Variants in ZBTB7C observed in about 807,000 individuals in gnomAD.
ZBTB7C encodes the protein zinc finger and BTB domain-containing protein 7C.
ZBTB7C carries 8 observed loss-of-function variants against 25.7 expected under a neutral mutation model. The observed-to-expected ratio is 0.31, with a 90% CI of 0.18 to 0.56. The LOEUF (loss-of-function observed/expected upper bound fraction) is 0.56, where lower values mean the gene tolerates loss of function less well. Among genes scored for constraint, ZBTB7C ranks in the 20% least tolerant of loss-of-function variants. The probability of loss-of-function intolerance (pLI) is 0.91; values close to 1 mark genes in which losing one functional copy is unlikely to be tolerated. For synonymous variants in ZBTB7C, 394 were observed against 369.0 expected, an observed-to-expected ratio of 1.07 and a Z score of -0.78; for missense variants, 824 against 855.2, an observed-to-expected ratio of 0.96 and a Z score of 0.46.
At chr18:48,115,103 A>G (rs573913351) in intron 3 of ZBTB7C, among the ~76,000 whole-genome samples, 1 of 152,296 alleles carries the variant, frequency 6.6e-6, no homozygotes, top group South Asian at 2.1e-4. Context: ...GCCCCTGGTA[A>G]CCTCTAACCT....
chr18:48,376,689 C>A (rs970180602), intron 1 of ZBTB7C, among the ~76,000 whole-genome samples: 3 of 152,244 alleles, frequency 2.0e-5, no homozygotes, highest in African/African-American at 7.2e-5. Context: ...CAACCCCTTG[C>A]GGCTTTGCTT....
chr18:48,284,241 T>G (rs1362906076), intron 2 of ZBTB7C, among the ~76,000 whole-genome samples: 1 of 152,022 alleles, frequency 6.6e-6, no homozygotes, highest in Non-Finnish European at 1.5e-5. Context: ...GACTGCTGAG[T>G]TCGAGACCAG....
chr18:48,122,179 A>G (rs1050985057), intron 3 of ZBTB7C, among the ~76,000 whole-genome samples: 1 of 152,236 alleles, frequency 6.6e-6, no homozygotes, highest in Non-Finnish European at 1.5e-5. Context: ...ATGCCAGCAC[A>G]GCCCAGTGTA....
At chr18:48,049,714 C>T (rs923534943) in intron 3 of ZBTB7C, among the ~76,000 whole-genome samples, 1 of 152,196 alleles carries the variant, frequency 6.6e-6, no homozygotes, top group African/African-American at 2.4e-5. Context: ...AGTCACGCAG[C>T]TAGAAAACAG....
chr18:48,164,403 T>C lies in ZBTB7C; in HGVS notation c.-17+21531A>G, dbSNP rs1319807087. Among the ~76,000 whole-genome samples, 9 of 152,264 alleles carry C rather than the reference T, an allele frequency of 5.9e-5. No homozygotes were observed. In the East Asian group the frequency reaches 1.7e-3, roughly 29 times the overall value. On this transcript the variant is annotated intron_variant, in intron 3 of 4. Transcript: ENST00000590800. ...TTTGTTCATGCTCTTTTGGCAAACA[T>C]GCACATACACACACTCTCATGTTAA...
intron 3 of ZBTB7C, among the ~76,000 whole-genome samples, chr18:48,115,027 C>CT (rs2039381893): frequency 6.6e-6 from 1 of 152,162 alleles, no homozygotes; most frequent in African/African-American, 2.4e-5. Flanking sequence ...ATTCCCAAAA[C>CT]TTTTTTATCA....
At chr18:48,200,653 T>C (rs1008639234) in intron 2 of ZBTB7C, among the ~76,000 whole-genome samples, 6 of 152,200 alleles carry the variant, frequency 3.9e-5, no homozygotes, top group African/African-American at 1.4e-4. Context: ...GGTCCTTGTA[T>C]TGAGAGCTAC....
At chr18:48,097,484 C>T (rs2038681123) in intron 3 of ZBTB7C, among the ~76,000 whole-genome samples, 1 of 152,060 alleles carries the variant, frequency 6.6e-6, no homozygotes. Flanking sequence ...GCAACCTCTG[C>T]CTCCTGGGTT....
At chr18:48,384,296 C>G (rs1275144455) in intron 1 of ZBTB7C, among the ~76,000 whole-genome samples, 1 of 152,220 alleles carries the variant, frequency 6.6e-6, no homozygotes. Flanking sequence ...GCAAGCATAG[C>G]TTTAAGACAA....
intron 2 of ZBTB7C, among the ~76,000 whole-genome samples, chr18:48,190,310 G>A (rs919336012): frequency 6.6e-6 from 1 of 152,168 alleles, no homozygotes; most frequent in African/African-American, 2.4e-5. Flanking sequence ...ACTATATGAT[G>A]GTTTATGATT....
chr18:48,166,958 CT>C (rs1386472168), intron 3 of ZBTB7C, among the ~76,000 whole-genome samples: 1 of 152,152 alleles, frequency 6.6e-6, no homozygotes, highest in Non-Finnish European at 1.5e-5. Context: ...GAAGAGGCCT[CT>C]TCCTCTGACC....
At chr18:48,213,461 C>T (rs891570657) in intron 2 of ZBTB7C, among the ~76,000 whole-genome samples, 1 of 152,178 alleles carries the variant, frequency 6.6e-6, no homozygotes, top group African/African-American at 2.4e-5. Context: ...TGAACCTTTC[C>T]GTCTTCAATG....
At chr18:48,110,551 TATTA>T (rs2039202737) in intron 3 of ZBTB7C, among the ~76,000 whole-genome samples, 1 of 152,220 alleles carries the variant, frequency 6.6e-6, no homozygotes, top group African/African-American at 2.4e-5. Flanking sequence ...GGCGTCAAAT[TATTA>T]ATTATGATTC....
intron 2 of ZBTB7C, among the ~76,000 whole-genome samples, chr18:48,267,944 C>A (rs2144553021): frequency 6.6e-6 from 1 of 152,302 alleles, no homozygotes; most frequent in African/African-American, 2.4e-5. Flanking sequence ...TCTGTGATAG[C>A]AGCCCAAATG....
At chr18:48,168,880 C>T (rs2041364303) in intron 3 of ZBTB7C, among the ~76,000 whole-genome samples, 1 of 152,232 alleles carries the variant, frequency 6.6e-6, no homozygotes, top group African/African-American at 2.4e-5. Flanking sequence ...ACACCTTTCT[C>T]CTTGACCCTC....
At chr18:48,302,992 G>A (rs956154285) in intron 2 of ZBTB7C, among the ~76,000 whole-genome samples, 5 of 152,162 alleles carry the variant, frequency 3.3e-5, no homozygotes, top group African/African-American at 4.8e-5. Flanking sequence ...GGATGGAAGC[G>A]GCATTGGACC....
chr18:48,234,014 C>CCCATGTATCAACCT (rs1193511345), intron 2 of ZBTB7C, among the ~76,000 whole-genome samples: 1 of 152,260 alleles, frequency 6.6e-6, no homozygotes, highest in East Asian at 1.9e-4. Context: ...AAAGTCCTTT[C>CCCATGTATCAACCT]CCATGTATCA....
chr18:48,313,613 G>A (rs1308153070), intron 2 of ZBTB7C, among the ~76,000 whole-genome samples: 2 of 152,218 alleles, frequency 1.3e-5, no homozygotes, highest in African/African-American at 4.8e-5. Flanking sequence ...TAGAGTCTCT[G>A]CCCTGCCCTA....
intron 3 of ZBTB7C, chr18:48,162,480 AGTT>A (rs1332645888): frequency 4.5e-6 from 2 of 440,194 alleles, no homozygotes; most frequent in African/African-American, 4.0e-5. Flanking sequence ...CTTCATAGAC[AGTT>A]GTTACTATTA....
Sources: allele counts gnomAD v4.1 joint callset (sites outside exome capture counted in the v4.1 genomes callset), GRCh38; gene constraint gnomAD v4.1.1; transcripts MANE v1.5; gene names NCBI Gene and HGNC (gene_info 2026-07-23, HGNC 2026-07-21).